F5: variants seen among roughly 807,000 people sequenced by gnomAD.
F5 encodes activated protein c cofactor.
In F5, 138 loss-of-function variants were observed where a neutral mutation model predicts 216.4. That is an observed-to-expected ratio of 0.64 (90% CI 0.56 to 0.73). F5 has a LOEUF of 0.73. Ranked by LOEUF, F5 falls within the 30% of genes least tolerant of loss-of-function variation. The pLI, the probability that F5 is intolerant of heterozygous loss-of-function variation, is 0.00. For missense variants in F5, 2,403 were observed against 2,674.0 expected, an observed-to-expected ratio of 0.90 and a Z score of 2.24; for synonymous variants, 916 against 930.7, an observed-to-expected ratio of 0.98 and a Z score of 0.29.
chr1:169,521,591 A>C (rs1389799266), intron 21 of F5, among the ~76,000 whole-genome samples: 2 of 151,502 alleles, frequency 1.3e-5, no homozygotes, highest in African/African-American at 2.4e-5. Context: ...AAAATCAATA[A>C]AACAAGGCTG....
At position 169,583,252 on chromosome 1, in the gene F5, T is replaced by C. The variant is rs1398470036; in HGVS notation, c.159-730A>G. Among the ~76,000 whole-genome samples, 3 of 152,176 alleles carry C rather than the reference T, an allele frequency of 2.0e-5. No homozygotes were observed. In the South Asian group the frequency reaches 6.2e-4, roughly 32 times the overall value. Reference sequence around the variant, plus strand: ...TCTAAAGGCAAATCAGTCTTATCCTTGTCTTAAACTCAAAGATGAGGGTAA... The same window carrying C: ...TCTAAAGGCAAATCAGTCTTATCCTCGTCTTAAACTCAAAGATGAGGGTAA... On this transcript the variant is annotated intron_variant, in intron 1 of 24. Transcript: ENST00000367797.
intron 21 of F5, among the ~76,000 whole-genome samples, chr1:169,522,559 T>G (rs1350184144): frequency 1.3e-5 from 2 of 152,120 alleles, no homozygotes; most frequent in Non-Finnish European, 2.9e-5. Context: ...CAGTAAATAA[T>G]TTTATATAAA....
At chr1:169,586,136 A>T in intron 1 of F5, 93 bp downstream of exon 1, 1 of 1,475,144 alleles carries the variant, frequency 6.8e-7, no homozygotes, top group Non-Finnish European at 9.2e-7. Context: ...AGTTAAAAAA[A>T]AAAAAAGCCA....
At chr1:169,525,754 G>T in intron 18 of F5, 147 bp downstream of exon 18, 1 of 711,804 alleles carries the variant, frequency 1.4e-6, no homozygotes. Context: ...TCAGACCATG[G>T]GCCGGAATAA....
rs114744910 is a variant in F5 at position 169,577,259 on chromosome 1, A to T, written c.251-4916T>A. 2.4e-3 allele frequency among the ~76,000 whole-genome samples: 368 copies of T among 152,280 alleles called. 1 individual carries two copies. The highest frequency in any genetic ancestry group is 8.5e-3 in the African/African-American group (354 of 41,556). On this transcript the variant is annotated intron_variant, in intron 2 of 24. Coordinates refer to ENST00000367797, the MANE Select transcript of F5 (RefSeq NM_000130.5). The stretch of plus-strand genomic sequence containing the variant: ...TCCCCTGCTCTTAGGTGAACAATGC[A>T]TTACATAACACAAGGTAGTGATTGT...
chr1:169,524,697 G>A (rs1659394071), intron 19 of F5, 140 bp downstream of exon 19: 4 of 758,148 alleles, frequency 5.3e-6, no homozygotes, highest in Non-Finnish European at 9.3e-6. Flanking sequence ...CCCAAATGGA[G>A]CTGCTTCACT....
chr1:169,534,142 C>T (rs191631910), intron 14 of F5, among the ~76,000 whole-genome samples: 8 of 152,248 alleles, frequency 5.3e-5, no homozygotes, highest in African/African-American at 1.9e-4. Context: ...CCTCCTTGCT[C>T]AATCAATCAC....
chr1:169,581,299 G>A (rs1660980682), intron 2 of F5, among the ~76,000 whole-genome samples: 1 of 152,144 alleles, frequency 6.6e-6, no homozygotes, highest in Non-Finnish European at 1.5e-5. Context: ...TTTTGTGAGA[G>A]TAATTTTAGT....
rs1659102270 is a variant in F5 at position 169,514,215 on chromosome 1, A to G, written c.*98T>C. 4 of 1,273,436 alleles carry G rather than the reference A, an allele frequency of 3.1e-6. No homozygotes were observed. The highest frequency in any genetic ancestry group is 4.5e-6 in the Non-Finnish European group (4 of 883,330). The allele number at this position is 1,273,436 out of a possible 1,614,324, so 78.9% of individuals were successfully genotyped here. A position where few individuals can be genotyped will look rare whatever the true frequency, so the allele number is the denominator to read the frequency against. On this transcript the variant is annotated 3_prime_UTR_variant, in exon 25 of 25. Coordinates refer to ENST00000367797, the MANE Select transcript of F5 (RefSeq NM_000130.5). ...AATAGAAAAGAAAGAGAAATAGTGG[A>G]AAACTGTTAACATTTAACACAGCGT...
At chr1:169,583,962 A>C (rs9332491) in intron 1 of F5, among the ~76,000 whole-genome samples, 6,996 of 152,280 alleles carry the variant, frequency 0.046, 545 homozygotes, top group African/African-American at 0.16. Context: ...GTGGAAGTTG[A>C]ATATGAATTA....
chr1:169,565,107 C>G (rs531160306), intron 3 of F5, among the ~76,000 whole-genome samples: 33 of 152,154 alleles, frequency 2.2e-4, no homozygotes, highest in Non-Finnish European at 2.5e-4. Context: ...ATGCCATTCC[C>G]TCTGCCTAGA....
In F5 at chr1:169,523,914, A is replaced by C; in HGVS notation, c.5789-10T>G. 1 of 1,601,222 alleles carries C rather than the reference A, an allele frequency of 6.2e-7. No individual in the cohort carries two copies. The highest frequency in any genetic ancestry group is 8.6e-7 in the Non-Finnish European group (1 of 1,168,896). ...CTGGGCTCCCAGTAACCTAAACTCAAGGGAAGAAAAAGATTTATTCTGAAT... is the reference window on the plus strand; with the variant it reads ...CTGGGCTCCCAGTAACCTAAACTCACGGGAAGAAAAAGATTTATTCTGAAT... On this transcript the variant is annotated splice_polypyrimidine_tract_variant and intron_variant, in intron 19 of 24. Transcript: ENST00000367797.
intron 2 of F5, among the ~76,000 whole-genome samples, chr1:169,579,689 C>A (rs1235696289): frequency 1.3e-5 from 2 of 152,220 alleles, no homozygotes; most frequent in African/African-American, 4.8e-5. Flanking sequence ...TTTTCTTCCT[C>A]ATTATCTGCA....
chr1:169,543,148 G>A, intron 12 of F5, 34 bp from the exon 13 acceptor site: 1 of 1,588,912 alleles, frequency 6.3e-7, no homozygotes. Context: ...GAGAGATCTG[G>A]AAGTCTGGGA....
At chr1:169,520,711 G>T in intron 21 of F5, 47 bp from the exon 22 acceptor site, 2 of 1,526,148 alleles carry the variant, frequency 1.3e-6, no homozygotes, top group Non-Finnish European at 9.0e-7. Flanking sequence ...GATCTATAAA[G>T]TGACTTTATA....
intron 5 of F5, among the ~76,000 whole-genome samples, chr1:169,557,422 T>C (rs886976495): frequency 5.9e-5 from 9 of 152,142 alleles, no homozygotes; most frequent in African/African-American, 1.7e-4. Flanking sequence ...GGATTTTCAA[T>C]TGTTATTTTT....
At chr1:169,545,113 C>A (rs1659968037) in intron 11 of F5, among the ~76,000 whole-genome samples, 1 of 152,192 alleles carries the variant, frequency 6.6e-6, no homozygotes. Context: ...CTCATGTCTA[C>A]CTCGATTACC....
At chr1:169,574,638 G>T (rs1410910719) in intron 2 of F5, among the ~76,000 whole-genome samples, 1 of 152,206 alleles carries the variant, frequency 6.6e-6, no homozygotes, top group African/African-American at 2.4e-5. Flanking sequence ...AGCACTGTAA[G>T]TCCCTACATT....
intron 19 of F5, 121 bp downstream of exon 19, chr1:169,524,716 G>T: frequency 2.3e-6 from 2 of 867,512 alleles, no homozygotes; most frequent in African/African-American, 1.7e-5. Flanking sequence ...CTACATTGTA[G>T]TAGAGAAAAG....
Sources: allele counts gnomAD v4.1 joint callset (sites outside exome capture counted in the v4.1 genomes callset), GRCh38; gene constraint gnomAD v4.1.1; transcripts MANE v1.5; gene names NCBI Gene and HGNC (gene_info 2026-07-23, HGNC 2026-07-21).